The following SDS variants were observed in gnomAD, a reference collection of about 807,000 sequenced individuals.
The protein encoded by SDS is serine dehydratase.
SDS carries 19 observed loss-of-function variants against 29.3 expected under a neutral mutation model. That is an observed-to-expected ratio of 0.65 (90% confidence interval 0.45 to 0.95). The LOEUF (loss-of-function observed/expected upper bound fraction) is 0.95, where lower values mean the gene tolerates loss of function less well. Among genes scored for constraint, SDS ranks in the 40% least tolerant of loss-of-function variants. SDS has a pLI of 0.00. For missense variants in SDS, 375 were observed against 439.9 expected, an observed-to-expected ratio of 0.85 and a Z score of 1.32; for synonymous variants, 176 against 189.0, an observed-to-expected ratio of 0.93 and a Z score of 0.56.
At chr12:113,395,732 G>A (rs1957639988) in intron 6 of SDS, among the ~76,000 whole-genome samples, 1 of 152,200 alleles carries the variant, frequency 6.6e-6, no homozygotes, top group South Asian at 2.1e-4. Flanking sequence ...CTGGCGCCCT[G>A]ACTTTTCATG....
At chr12:113,394,955 A>G (rs143435833) in intron 6 of SDS, among the ~76,000 whole-genome samples, 165 of 152,298 alleles carry the variant, frequency 1.1e-3, no homozygotes, top group African/African-American at 3.7e-3. Context: ...CCTGCTAGTA[A>G]CAAGCGCCCT....
intron 1 of SDS, among the ~76,000 whole-genome samples, chr12:113,400,218 A>G (rs895778465): frequency 1.3e-5 from 2 of 152,100 alleles, no homozygotes; most frequent in African/African-American, 4.8e-5. Context: ...ACTTGAACCC[A>G]GGAGGCGGAG....
chr12:113,396,415 T>C (rs1957644611), intron 6 of SDS, among the ~76,000 whole-genome samples: 1 of 151,142 alleles, frequency 6.6e-6, no homozygotes, highest in Admixed American at 6.6e-5. Context: ...TCTTTTTTCT[T>C]TCTTTCTCTC....
chr12:113,401,117 C>T (rs1256897699), intron 1 of SDS, among the ~76,000 whole-genome samples: 1 of 151,730 alleles, frequency 6.6e-6, no homozygotes, highest in African/African-American at 2.4e-5. Flanking sequence ...CTGTCTCAAA[C>T]AAACAAACAA....
intron 2 of SDS, 165 bp downstream of exon 2, chr12:113,399,391 G>A (rs2136935430): frequency 1.1e-6 from 1 of 945,286 alleles, no homozygotes; most frequent in Non-Finnish European, 1.5e-6. Flanking sequence ...CTCCTGGAAG[G>A]GCACCCCTCA....
In SDS at chr12:113,399,648, T is replaced by G; in HGVS notation, c.61A>C (p.Lys21Gln). 2 of 1,600,564 alleles carry G rather than the reference T, an allele frequency of 1.2e-6. No individual in the cohort carries two copies. The highest frequency in any genetic ancestry group is 1.7e-6 in the Non-Finnish European group (2 of 1,175,326). The change falls in exon 2 of 8, where the codon AAA becomes CAA. Residue 21 changes from lysine to glutamine, a missense_variant. By Grantham distance (53) the Lys-to-Gln change is moderately conservative (BLOSUM62 1). Transcript: ENST00000257549. The stretch of plus-strand genomic sequence containing the variant: ...AGGTAGACGCTGGTGCCGGCCATTT[T>G]GGACAGGGCCATGCTGTCACGGATG... Reference protein sequence around the residue: ...TPIRDSMALSKMAGTSVYLKM... With the variant: ...TPIRDSMALSQMAGTSVYLKM...
chr12:113,393,781 CAG>C, intron 7 of SDS, 109 bp downstream of exon 7: 1 of 1,434,562 alleles, frequency 7.0e-7, no homozygotes, highest in East Asian at 2.3e-5. Context: ...AGGTGGAAGA[CAG>C]AACTGTGAAG....
intron 6 of SDS, among the ~76,000 whole-genome samples, chr12:113,395,603 C>G (rs1449802973): frequency 6.6e-6 from 1 of 152,210 alleles, no homozygotes; most frequent in Non-Finnish European, 1.5e-5. Context: ...GCATAGCCTT[C>G]TGCCCTTGCT....
intron 1 of SDS, among the ~76,000 whole-genome samples, chr12:113,402,344 G>A (rs1957688757): frequency 1.3e-5 from 2 of 152,198 alleles, no homozygotes; most frequent in African/African-American, 4.8e-5. Flanking sequence ...CCAGGCTGGA[G>A]TGCAGCGGCA....
rs1217025234 is a variant in SDS at position 113,403,870 on chromosome 12, A to C, written c.-105T>G. 1 of 152,514 alleles carries C rather than the reference A, an allele frequency of 6.6e-6. No individual in the cohort carries two copies. The highest frequency in any genetic ancestry group is 1.5e-5 in the Non-Finnish European group (1 of 68,322). The allele number at this position is 152,514 out of a possible 1,614,324, so 9.4% of individuals were successfully genotyped here. A position where few individuals can be genotyped will look rare whatever the true frequency, so the allele number is the denominator to read the frequency against. On this transcript the variant is annotated 5_prime_UTR_variant, in exon 1 of 8. Coordinates refer to ENST00000257549, the MANE Select transcript of SDS (RefSeq NM_006843.3). ...AAGAGAGGGGGCTGAGGACGGGTGG[A>C]CAGTCTTCTGAATGGTCCCAGGGGC...
At chr12:113,402,637 G>A (rs1231916773) in intron 1 of SDS, among the ~76,000 whole-genome samples, 1 of 151,952 alleles carries the variant, frequency 6.6e-6, no homozygotes, top group Non-Finnish European at 1.5e-5. Flanking sequence ...CCTGGCCTCA[G>A]GGACAATCGG....
At chr12:113,402,842 G>T (rs1007154892) in intron 1 of SDS, among the ~76,000 whole-genome samples, 11 of 152,140 alleles carry the variant, frequency 7.2e-5, no homozygotes, top group Non-Finnish European at 1.5e-4. Flanking sequence ...CCCAAGGATC[G>T]CAAGACTTCA....
chr12:113,393,155 A>C lies in SDS; in HGVS notation c.779-6T>G, dbSNP rs1377913230. The C allele has an allele frequency of 1.2e-6, 2 of 1,613,228 alleles. No individual in the cohort carries two copies. The highest frequency in any genetic ancestry group is 3.6e-4 in the Middle Eastern group (2 of 5,520). On this transcript the variant is annotated splice_polypyrimidine_tract_variant and splice_region_variant and intron_variant, in intron 7 of 7. Coordinates refer to ENST00000257549, the MANE Select transcript of SDS (RefSeq NM_006843.3). ...CACCAGGATCTTCTCATCATCTGCC[A>C]GAGAAGGGGCGTGACAGGGGCGTGG...
chr12:113,397,484 G>A (rs1485299753), intron 5 of SDS, 92 bp from the exon 6 acceptor site: 3 of 1,063,162 alleles, frequency 2.8e-6, no homozygotes, highest in Non-Finnish European at 4.1e-6. Flanking sequence ...AGCTGATGGG[G>A]CCTGGAGCTA....
At chr12:113,395,087 A>G (rs1015226549) in intron 6 of SDS, among the ~76,000 whole-genome samples, 1 of 152,204 alleles carries the variant, frequency 6.6e-6, no homozygotes, top group Non-Finnish European at 1.5e-5. Context: ...CAGAGAGTGT[A>G]CAGTCACTTG....
intron 1 of SDS, among the ~76,000 whole-genome samples, chr12:113,400,894 C>T (rs1274025951): frequency 6.6e-6 from 1 of 152,088 alleles, no homozygotes; most frequent in African/African-American, 2.4e-5. Flanking sequence ...TGACTCACAC[C>T]TGTAATCCCA....
At chr12:113,397,456 T>C in intron 5 of SDS, 64 bp from the exon 6 acceptor site, 7 of 1,385,044 alleles carry the variant, frequency 5.1e-6, no homozygotes, top group Non-Finnish European at 7.0e-6. Flanking sequence ...CAGCTCAGGT[T>C]TGCACCGGCC....
At chr12:113,397,118 T>TCC in intron 6 of SDS, 47 bp downstream of exon 6, 1 of 1,519,044 alleles carries the variant, frequency 6.6e-7, no homozygotes, top group South Asian at 1.1e-5. Context: ...TAAGGGGGAC[T>TCC]CCCCAGTGCT....
chr12:113,394,335 G>GTTTTTTTTTTT (rs1555207352), intron 6 of SDS, among the ~76,000 whole-genome samples: 1 of 142,808 alleles, frequency 7.0e-6, no homozygotes. Flanking sequence ...TTTTTTTGTT[G>GTTTTTTTTTTT]TTTTTTTGTT....
Sources: allele counts gnomAD v4.1 joint callset (sites outside exome capture counted in the v4.1 genomes callset), GRCh38; gene constraint gnomAD v4.1.1; transcripts MANE v1.5; gene names NCBI Gene and HGNC (gene_info 2026-07-23, HGNC 2026-07-21).